Variants in SLC39A11 observed in about 807,000 individuals in gnomAD.
SLC39A11 encodes solute carrier family 39 member 11.
In SLC39A11, 33 loss-of-function variants were observed where a neutral mutation model predicts 36.1. That is an observed-to-expected ratio of 0.91 (90% confidence interval 0.69 to 1.22). The LOEUF is 1.22. Ranked by LOEUF, SLC39A11 falls within the 50% of genes most tolerant of loss-of-function variation. SLC39A11 has a pLI of 0.00. For synonymous variants in SLC39A11, 166 were observed against 170.3 expected, an observed-to-expected ratio of 0.97 and a Z score of 0.20; for missense variants, 432 against 430.3, an observed-to-expected ratio of 1.00 and a Z score of -0.03.
At position 73,032,072 on chromosome 17, in the gene SLC39A11, G is replaced by C. The variant is rs565377290; in HGVS notation, c.148-358C>G. Among the ~76,000 whole-genome samples the C allele has an allele frequency of 6.6e-4, 100 of 152,264 alleles. 1 individual carries two copies. The highest frequency in any genetic ancestry group is 2.3e-3 in the African/African-American group (96 of 41,544). Reference sequence around the variant, plus strand: ...AGCTGTCACACTGGGAGGAGCGTAGGGGGAGGTTGCTACTGGCATCTAATG... The same window carrying C: ...AGCTGTCACACTGGGAGGAGCGTAGCGGGAGGTTGCTACTGGCATCTAATG... On this transcript the variant is annotated intron_variant, in intron 3 of 9. Coordinates refer to ENST00000255559, the MANE Select transcript of SLC39A11 (RefSeq NM_139177.4).
intron 7 of SLC39A11, among the ~76,000 whole-genome samples, chr17:72,722,097 C>A (rs1482830992): frequency 6.6e-6 from 1 of 151,758 alleles, no homozygotes. Flanking sequence ...AAAGGTCAAT[C>A]CAAAGGAATT....
chr17:73,062,475 A>AAAAAAAAAAAAAAAAAC lies in SLC39A11; in HGVS notation c.147+22332_147+22333insGTTTTTTTTTTTTTTTT, dbSNP rs56021607. 8.7e-3 allele frequency among the ~76,000 whole-genome samples: 759 copies of AAAAAAAAAAAAAAAAAC among 86,944 alleles called. 151 individuals are homozygous for AAAAAAAAAAAAAAAAAC. Among genetic ancestry groups the AAAAAAAAAAAAAAAAAC allele is most frequent in the African/African-American group, 0.02 (441 of 21,868 alleles). The allele number at this position is 86,944 out of a possible 152,430, so 57.0% of individuals were successfully genotyped here. ...AGAGCTTGTCTCAAAAAAAAAAAAA[A>AAAAAAAAAAAAAAAAAC]AAACTTTAGGTGATACACTTCTGCT... On this transcript the variant is annotated intron_variant, in intron 3 of 9. Coordinates refer to ENST00000255559, the MANE Select transcript of SLC39A11 (RefSeq NM_139177.4).
intron 4 of SLC39A11, among the ~76,000 whole-genome samples, chr17:73,011,162 G>A (rs1292779965): frequency 6.6e-6 from 1 of 152,250 alleles, no homozygotes; most frequent in Non-Finnish European, 1.5e-5. Context: ...TATGGGGCAA[G>A]TCTGGAGAGC....
At chr17:73,073,718 G>C (rs1279127082) in intron 3 of SLC39A11, 1 of 152,196 alleles carries the variant, frequency 6.6e-6, no homozygotes, top group Non-Finnish European at 1.5e-5. Context: ...AGTCAGGCCT[G>C]AGTGATGCTG....
intron 3 of SLC39A11, among the ~76,000 whole-genome samples, chr17:73,040,003 C>T (rs909080512): frequency 3.9e-5 from 6 of 152,174 alleles, no homozygotes; most frequent in Non-Finnish European, 8.8e-5. Context: ...CCACCTCCCC[C>T]ATTATCAGGG....
chr17:73,014,832 A>G (rs1369409273), intron 4 of SLC39A11, among the ~76,000 whole-genome samples: 6 of 152,078 alleles, frequency 3.9e-5, no homozygotes, highest in Admixed American at 3.9e-4. Context: ...GGCCTGCAGC[A>G]ATTTCCTATC....
At chr17:72,677,743 C>T (rs2071335685) in intron 7 of SLC39A11, among the ~76,000 whole-genome samples, 1 of 152,162 alleles carries the variant, frequency 6.6e-6, no homozygotes, top group East Asian at 1.9e-4. Context: ...GCTAGAAAGA[C>T]TCCCTCAATT....
intron 5 of SLC39A11, among the ~76,000 whole-genome samples, chr17:72,934,980 T>C (rs1255934197): frequency 6.6e-6 from 1 of 152,168 alleles, no homozygotes; most frequent in Non-Finnish European, 1.5e-5. Context: ...TTTGGAGGTT[T>C]CCTATCACAT....
chr17:72,962,595 G>A (rs1206144299), intron 4 of SLC39A11, among the ~76,000 whole-genome samples: 5 of 151,912 alleles, frequency 3.3e-5, no homozygotes, highest in Admixed American at 3.3e-4. Context: ...GGAGTACAGT[G>A]GCCCGACCTT....
intron 6 of SLC39A11, among the ~76,000 whole-genome samples, chr17:72,766,432 A>G (rs1459223779): frequency 6.6e-6 from 1 of 152,208 alleles, no homozygotes; most frequent in East Asian, 1.9e-4. Flanking sequence ...TCCTATACAC[A>G]GGAGAAAGTT....
chr17:72,961,457 T>C (rs1254403234), intron 4 of SLC39A11, among the ~76,000 whole-genome samples: 1 of 152,228 alleles, frequency 6.6e-6, no homozygotes, highest in Non-Finnish European at 1.5e-5. Context: ...ATTGCAGCAC[T>C]GTTCACAATA....
At chr17:72,864,764 C>G (rs559705803) in intron 5 of SLC39A11, among the ~76,000 whole-genome samples, 43 of 152,268 alleles carry the variant, frequency 2.8e-4, no homozygotes, top group South Asian at 2.3e-3. Flanking sequence ...CCCTGTCAGT[C>G]TGGGTGATTG....
chr17:72,885,565 C>G (rs1157574645), intron 5 of SLC39A11, among the ~76,000 whole-genome samples: 2 of 152,220 alleles, frequency 1.3e-5, no homozygotes, highest in Non-Finnish European at 2.9e-5. Flanking sequence ...AAGGGCACTA[C>G]TTATCAGATC....
chr17:72,730,176 A>G (rs2074158257), intron 7 of SLC39A11, among the ~76,000 whole-genome samples: 3 of 152,182 alleles, frequency 2.0e-5, no homozygotes, highest in Non-Finnish European at 4.4e-5. Flanking sequence ...TCAGACAGGG[A>G]CATTAAACTC....
Position 72,683,164 on chromosome 17 carries a change from G to T in SLC39A11, c.672-33896C>A, listed in dbSNP as rs370927790. On this transcript the variant is annotated intron_variant, in intron 7 of 9. Coordinates refer to ENST00000255559, the MANE Select transcript of SLC39A11 (RefSeq NM_139177.4). The stretch of plus-strand genomic sequence containing the variant: ...TACTACAGGTAACTGTTGGTAAAAG[G>T]CCCACTCAGACTTTCCCATGTAGCT... Among the ~76,000 whole-genome samples the T allele has an allele frequency of 2.0e-5, 3 of 152,076 alleles. No individual in the cohort carries two copies. The East Asian group carries it at 5.8e-4, about 29-fold the overall frequency.
At chr17:72,938,253 G>A (rs2084892172) in intron 5 of SLC39A11, among the ~76,000 whole-genome samples, 1 of 152,146 alleles carries the variant, frequency 6.6e-6, no homozygotes, top group Non-Finnish European at 1.5e-5. Flanking sequence ...AATGCAGGTC[G>A]AGTGGAGCAT....
At chr17:72,823,540 C>CA (rs2077885612) in intron 6 of SLC39A11, 2 of 151,394 alleles carry the variant, frequency 1.3e-5, no homozygotes, top group Non-Finnish European at 3.0e-5. Context: ...GCCATCCATC[C>CA]ACTTGCCTCC....
intron 9 of SLC39A11, 67 bp downstream of exon 9, chr17:72,648,736 A>G: frequency 3.1e-6 from 5 of 1,589,868 alleles, no homozygotes; most frequent in Non-Finnish European, 3.4e-6. Flanking sequence ...AAGAAAGAGC[A>G]TATCCCAAGG....
intron 7 of SLC39A11, among the ~76,000 whole-genome samples, chr17:72,702,741 A>G (rs1246949966): frequency 6.6e-6 from 1 of 151,934 alleles, no homozygotes; most frequent in Admixed American, 6.6e-5. Context: ...GTTCCAGACC[A>G]GCTTGGCCAA....
Sources: allele counts gnomAD v4.1 joint callset (sites outside exome capture counted in the v4.1 genomes callset), GRCh38; gene constraint gnomAD v4.1.1; transcripts MANE v1.5; gene names NCBI Gene and HGNC (gene_info 2026-07-23, HGNC 2026-07-21).